Variants in DISC1 observed in about 807,000 individuals in gnomAD.
The protein encoded by DISC1 is disrupted in schizophrenia 1 protein.
In DISC1, 57 loss-of-function variants were observed where a neutral mutation model predicts 84.5. The observed-to-expected ratio is 0.67, with a 90% CI of 0.55 to 0.84. The LOEUF (loss-of-function observed/expected upper bound fraction) is 0.84. Ranked by LOEUF, DISC1 falls within the 40% of genes least tolerant of loss-of-function variation. The pLI, the probability that DISC1 is intolerant of heterozygous loss-of-function variation, is 0.00. For missense variants in DISC1, 1,000 were observed against 1,057.8 expected, an observed-to-expected ratio of 0.95 and a Z score of 0.76; for synonymous variants, 411 against 415.2, an observed-to-expected ratio of 0.99 and a Z score of 0.12.
intron 9 of DISC1, among the ~76,000 whole-genome samples, chr1:231,881,289 T>G (rs1181103728): frequency 6.6e-6 from 1 of 152,062 alleles, no homozygotes; most frequent in African/African-American, 2.4e-5. Context: ...CAGACACGCA[T>G]TGTTGCACTG....
chr1:231,733,368 G>A (rs1362708398), intron 3 of DISC1, among the ~76,000 whole-genome samples: 2 of 126,452 alleles, frequency 1.6e-5, no homozygotes, highest in South Asian at 2.7e-4. Context: ...GGTGGTAGTG[G>A]TAGTGAGTGG....
intron 3 of DISC1, among the ~76,000 whole-genome samples, chr1:231,734,371 C>T (rs1309717802): frequency 6.6e-6 from 1 of 152,082 alleles, no homozygotes. Context: ...TGGAGGTGCC[C>T]ATAATCAAGC....
At chr1:231,903,975 T>C (rs2126033853) in intron 9 of DISC1, among the ~76,000 whole-genome samples, 1 of 152,354 alleles carries the variant, frequency 6.6e-6, no homozygotes, top group East Asian at 1.9e-4. Context: ...AAGCAGTTAC[T>C]GCTTTGGAGC....
At chr1:232,011,139 C>A (rs1667986246) in intron 11 of DISC1, among the ~76,000 whole-genome samples, 1 of 152,160 alleles carries the variant, frequency 6.6e-6, no homozygotes. Flanking sequence ...CTTTCCCAGG[C>A]ATAGGAGGAT....
intron 12 of DISC1, among the ~76,000 whole-genome samples, chr1:232,035,898 T>TTTG: frequency 6.6e-6 from 1 of 152,324 alleles, no homozygotes; most frequent in East Asian, 1.9e-4. Context: ...TACAGCCTTA[T>TTTG]CTATTACTGT....
chr1:231,633,612 T>C (rs1157103741), intron 1 of DISC1, among the ~76,000 whole-genome samples: 3 of 152,204 alleles, frequency 2.0e-5, no homozygotes, highest in African/African-American at 7.2e-5. Flanking sequence ...TCTGCCCGAA[T>C]GTCGTAGCTA....
Position 231,717,295 on chromosome 1 carries a change from G to A in DISC1, c.1117+15271G>A, listed in dbSNP as rs143543512. Among the ~76,000 whole-genome samples, 361 of 152,332 alleles carry A rather than the reference G, an allele frequency of 2.4e-3. 2 individuals are homozygous for A. The highest frequency in any genetic ancestry group is 8.3e-3 in the African/African-American group (343 of 41,572). ...AGGTTAACAAGGTCTTCAGTTGGAGGAAGGCAGGCCCTTGGCAGAACCAAA... is the reference window on the plus strand; with the variant it reads ...AGGTTAACAAGGTCTTCAGTTGGAGAAAGGCAGGCCCTTGGCAGAACCAAA... On this transcript the variant is annotated intron_variant, in intron 3 of 12. Coordinates refer to ENST00000439617, the MANE Select transcript of DISC1 (RefSeq NM_018662.3).
chr1:231,724,149 C>T (rs1573265197), intron 3 of DISC1: 1 of 540,094 alleles, frequency 1.9e-6, no homozygotes, highest in Non-Finnish European at 2.4e-6. Context: ...TTTGGCTTTG[C>T]ATGCTCAATT....
chr1:232,019,863 A>G (rs1668798025), intron 11 of DISC1, among the ~76,000 whole-genome samples: 1 of 152,012 alleles, frequency 6.6e-6, no homozygotes, highest in Non-Finnish European at 1.5e-5. Flanking sequence ...CATGGCTGTT[A>G]TCATTGTCAC....
intron 9 of DISC1, among the ~76,000 whole-genome samples, chr1:231,888,460 C>T (rs2086934513): frequency 6.6e-6 from 1 of 151,898 alleles, no homozygotes; most frequent in Non-Finnish European, 1.5e-5. Flanking sequence ...AGTGTCCACC[C>T]CAGGCCAGGT....
At chr1:231,801,227 C>T (rs891910819) in intron 8 of DISC1, among the ~76,000 whole-genome samples, 2 of 151,974 alleles carry the variant, frequency 1.3e-5, no homozygotes, top group African/African-American at 4.8e-5. Flanking sequence ...GGGCTTGGCT[C>T]TTAACAGCTT....
At chr1:231,786,251 G>A (rs1423205500) in intron 6 of DISC1, among the ~76,000 whole-genome samples, 1 of 152,184 alleles carries the variant, frequency 6.6e-6, no homozygotes, top group Non-Finnish European at 1.5e-5. Context: ...GACCTGGAAG[G>A]ATTTTAGAAA....
chr1:231,917,007 T>C (rs535229245), intron 9 of DISC1, among the ~76,000 whole-genome samples: 1 of 150,976 alleles, frequency 6.6e-6, no homozygotes, highest in South Asian at 2.1e-4. Context: ...AAATGCCCTT[T>C]CTTAGTAACT....
At chr1:231,825,338 T>C (rs576053713) in intron 9 of DISC1, among the ~76,000 whole-genome samples, 40 of 152,318 alleles carry the variant, frequency 2.6e-4, no homozygotes, top group African/African-American at 9.4e-4. Flanking sequence ...CTTGACTCTA[T>C]GTAATAGGGT....
intron 1 of DISC1, among the ~76,000 whole-genome samples, chr1:231,655,699 G>A (rs1336005045): frequency 6.6e-6 from 1 of 152,064 alleles, no homozygotes; most frequent in East Asian, 1.9e-4. Context: ...AGGTTATACT[G>A]ATTTATGTTA....
At position 231,653,751 on chromosome 1, in the gene DISC1, C is replaced by G. The variant is rs147244222; in HGVS notation, c.67+26817C>G. ...CCTGGCACCTTGCTTAGTCACTGTT[C>G]AGGATCTCTGGGTGATGTGCTGTCT... is the stretch of plus-strand genomic sequence containing the variant. On this transcript the variant is annotated intron_variant, in intron 1 of 12. Coordinates refer to ENST00000439617, the MANE Select transcript of DISC1 (RefSeq NM_018662.3). 1.0e-3 allele frequency among the ~76,000 whole-genome samples: 155 copies of G among 152,300 alleles called. 2 individuals are homozygous for G. The highest frequency in any genetic ancestry group is 3.6e-3 in the African/African-American group (149 of 41,558).
chr1:231,892,668 T>G (rs1425291463), intron 9 of DISC1, among the ~76,000 whole-genome samples: 3 of 143,648 alleles, frequency 2.1e-5, no homozygotes, highest in African/African-American at 7.8e-5. Context: ...AAACAGGCAA[T>G]TATAAAAAAA....
chr1:231,989,530 A>G (rs886719699), intron 10 of DISC1, among the ~76,000 whole-genome samples: 6 of 152,252 alleles, frequency 3.9e-5, no homozygotes, highest in African/African-American at 1.4e-4. Flanking sequence ...ACAGGTACAG[A>G]ATGCTATTTT....
chr1:231,909,143 C>G (rs1329488560), intron 9 of DISC1, among the ~76,000 whole-genome samples: 1 of 152,082 alleles, frequency 6.6e-6, no homozygotes, highest in Non-Finnish European at 1.5e-5. Context: ...TCCTCTTTTC[C>G]TAGTTGAATA....
Sources: allele counts gnomAD v4.1 joint callset (sites outside exome capture counted in the v4.1 genomes callset), GRCh38; gene constraint gnomAD v4.1.1; transcripts MANE v1.5; gene names NCBI Gene and HGNC (gene_info 2026-07-23, HGNC 2026-07-21).